Variants in CEP128 observed in about 807,000 individuals in gnomAD.
CEP128 encodes centrosomal protein 128, also known as centrosomal protein 128kDa.
In CEP128, 132 loss-of-function variants were observed where a neutral mutation model predicts 156.7. The observed-to-expected ratio is 0.84, with a 90% CI of 0.73 to 0.97. The LOEUF (loss-of-function observed/expected upper bound fraction) is 0.97, where lower values mean the gene tolerates loss of function less well. Ranked by LOEUF, CEP128 falls within the 50% of genes least tolerant of loss-of-function variation. The pLI is 0.00. For missense variants in CEP128, 1,252 were observed against 1,281.9 expected (o/e 0.98, Z 0.36); for synonymous variants, 469 against 448.9 (o/e 1.04, Z -0.57).
intron 19 of CEP128, among the ~76,000 whole-genome samples, chr14:80,595,071 A>G (rs1892254040): frequency 6.6e-6 from 1 of 152,140 alleles, no homozygotes; most frequent in Non-Finnish European, 1.5e-5. Flanking sequence ...CTTGGAACCA[A>G]CCCAAATGCC....
intron 13 of CEP128, among the ~76,000 whole-genome samples, chr14:80,804,107 A>C (rs914516183): frequency 5.4e-5 from 8 of 147,794 alleles, no homozygotes; most frequent in Non-Finnish European, 1.2e-4. Context: ...CAGAACATAA[A>C]GAATAATTTT....
At chr14:80,792,640 G>A (rs1234930373) in intron 14 of CEP128, 120 bp downstream of exon 14, 12 of 745,408 alleles carry the variant, frequency 1.6e-5, no homozygotes, top group Admixed American at 1.2e-4. Context: ...ATAAGGATTC[G>A]TCTATCAAGG....
At position 80,924,733 on chromosome 14, in the gene CEP128, G is replaced by GT. The variant is rs776843869; in HGVS notation, c.-15-8172_-15-8171insA. Among the ~76,000 whole-genome samples, 764 of 151,514 alleles carry GT rather than the reference G, an allele frequency of 5.0e-3. 3 individuals are homozygous for GT. Among genetic ancestry groups the GT allele is most frequent in the Non-Finnish European group, 8.7e-3 (588 of 67,786 alleles). On this transcript the variant is annotated intron_variant, in intron 2 of 24. Coordinates refer to ENST00000555265, the MANE Select transcript of CEP128 (RefSeq NM_152446.5). ...GATTTTCATTCTATGGTTTCATGGG[G>GT]GTTTTTTTTAATGATTCTACTATTT... is the stretch of plus-strand genomic sequence containing the variant.
intron 10 of CEP128, among the ~76,000 whole-genome samples, chr14:80,838,636 T>A (rs1886203828): frequency 6.6e-6 from 1 of 152,116 alleles, no homozygotes; most frequent in African/African-American, 2.4e-5. Flanking sequence ...ATCTCTTTAA[T>A]CTAAATTCTA....
chr14:80,933,814 T>C (rs1885627716), intron 2 of CEP128, among the ~76,000 whole-genome samples: 1 of 152,012 alleles, frequency 6.6e-6, no homozygotes, highest in Non-Finnish European at 1.5e-5. Context: ...CGATGCCAGG[T>C]TGTGGAGTAA....
intron 13 of CEP128, among the ~76,000 whole-genome samples, chr14:80,825,009 G>A (rs1212914485): frequency 6.6e-6 from 1 of 152,198 alleles, no homozygotes; most frequent in African/African-American, 2.4e-5. Context: ...CGCGGAAGGT[G>A]AAAGGCATGT....
In CEP128 at chr14:80,599,586, T is replaced by C. The variant is rs980735502; in HGVS notation, c.2807-19163A>G. Among the ~76,000 whole-genome samples the C allele has an allele frequency of 2.9e-4, 43 of 148,192 alleles. 1 individual carries two copies. Among genetic ancestry groups the C allele is most frequent in the Admixed American group, 4.0e-4 (6 of 15,136 alleles). On this transcript the variant is annotated intron_variant, in intron 19 of 24. Coordinates refer to ENST00000555265, the MANE Select transcript of CEP128 (RefSeq NM_152446.5). ...CACTGCGCCCGGCTGAGTCATATTC[T>C]TTTTTCTAGACTACTGCAGTTATCC... is the stretch of plus-strand genomic sequence containing the variant.
chr14:80,673,694 A>G (rs576278473), intron 19 of CEP128, among the ~76,000 whole-genome samples: 1 of 148,098 alleles, frequency 6.8e-6, no homozygotes, highest in African/African-American at 2.5e-5. Context: ...AAGGGATCTC[A>G]CATTCGGAAA....
intron 9 of CEP128, among the ~76,000 whole-genome samples, chr14:80,855,563 A>G (rs1887109904): frequency 6.6e-6 from 1 of 152,106 alleles, no homozygotes; most frequent in African/African-American, 2.4e-5. Context: ...GTACGAGATG[A>G]CTACAAAAAA....
At chr14:80,945,294 A>G (rs1208364561), upstream of CEP128, among the ~76,000 whole-genome samples, 1 of 152,168 alleles carries the variant, frequency 6.6e-6, no homozygotes, top group Non-Finnish European at 1.5e-5. Context: ...TTTATACTAT[A>G]GCCTAATTTA....
At chr14:80,555,520 T>G (rs1890393548) in intron 21 of CEP128, among the ~76,000 whole-genome samples, 1 of 152,162 alleles carries the variant, frequency 6.6e-6, no homozygotes, top group South Asian at 2.1e-4. Context: ...TTAAGTCATT[T>G]GTAACTTCTT....
At chr14:80,591,129 A>G (rs1453316050) in intron 19 of CEP128, among the ~76,000 whole-genome samples, 1 of 152,168 alleles carries the variant, frequency 6.6e-6, no homozygotes, top group Non-Finnish European at 1.5e-5. Context: ...CTAGCATCAT[A>G]ATGACAGGAT....
At chr14:80,626,325 G>A (rs1347981702) in intron 19 of CEP128, among the ~76,000 whole-genome samples, 9 of 151,498 alleles carry the variant, frequency 5.9e-5, no homozygotes, top group South Asian at 4.2e-4. Context: ...TTAGCCGGGC[G>A]CGGTGGCGGG....
chr14:80,849,059 T>A (rs113509679), intron 9 of CEP128, among the ~76,000 whole-genome samples: 8 of 152,240 alleles, frequency 5.3e-5, no homozygotes, highest in African/African-American at 1.7e-4. Context: ...GATGTAGTGG[T>A]AGGAAATGAA....
At chr14:80,822,519 C>T in intron 13 of CEP128, 1 of 641,554 alleles carries the variant, frequency 1.6e-6, no homozygotes, top group South Asian at 1.4e-5. Context: ...CATCCTGCCG[C>T]CACCATGCCC....
chr14:80,895,600 G>T, intron 8 of CEP128, 118 bp downstream of exon 8: 1 of 582,166 alleles, frequency 1.7e-6, no homozygotes, highest in Non-Finnish European at 2.9e-6. Flanking sequence ...CACACTTTTA[G>T]ACAAAATGGG....
chr14:80,796,907 C>G (rs1191277992), intron 13 of CEP128, among the ~76,000 whole-genome samples: 4 of 152,096 alleles, frequency 2.6e-5, no homozygotes, highest in Non-Finnish European at 5.9e-5. Context: ...AAAAGGCAGT[C>G]CTACTAAAAT....
At chr14:80,836,154 A>G (rs766992252) in intron 12 of CEP128, 51 bp downstream of exon 12, 1 of 1,574,422 alleles carries the variant, frequency 6.4e-7, no homozygotes, top group South Asian at 1.2e-5. Flanking sequence ...AAGAAAAACC[A>G]AAAAGCCCCC....
chr14:80,668,159 A>G (rs1225332304), intron 19 of CEP128, among the ~76,000 whole-genome samples: 1 of 152,218 alleles, frequency 6.6e-6, no homozygotes, highest in Non-Finnish European at 1.5e-5. Context: ...GTCTGATTCT[A>G]TCACTGAGGA....
Sources: gnomAD v4.1 joint callset for allele counts (sites outside exome capture counted in the v4.1 genomes callset) on GRCh38, gnomAD v4.1.1 for gene constraint, MANE v1.5 for transcripts, NCBI Gene and HGNC (gene_info 2026-07-23, HGNC 2026-07-21) for gene names.